The following EMX1 variants were observed in gnomAD, a reference collection of about 807,000 sequenced individuals.
EMX1 encodes the protein empty spiracles homeobox 1, also known as homeobox protein EMX1.
A neutral mutation model predicts 20.1 loss-of-function variants in EMX1; 10 were observed. The ratio of observed to expected loss-of-function variants is 0.50; its 90% CI spans 0.31 to 0.84. EMX1 has a LOEUF of 0.84. Ranked by LOEUF, EMX1 falls within the 40% of genes least tolerant of loss-of-function variation. The probability of loss-of-function intolerance (pLI) is 0.05; values close to 1 mark genes in which losing one functional copy is unlikely to be tolerated. For synonymous variants in EMX1, 250 were observed against 200.4 expected, an observed-to-expected ratio of 1.25 and a Z score of -2.09; for missense variants, 424 against 431.9, an observed-to-expected ratio of 0.98 and a Z score of 0.16.
chr2:72,925,679 C>G, intron 2 of EMX1: 2 of 1,170,694 alleles, frequency 1.7e-6, no homozygotes, highest in Non-Finnish European at 1.1e-6. Context: ...TGGGGGGCAG[C>G]CGGAGCCTCC....
chr2:72,916,547 C>G (rs965759391), upstream of EMX1: 2 of 612,252 alleles, frequency 3.3e-6, no homozygotes, highest in Non-Finnish European at 5.9e-6. Flanking sequence ...AGAACTGCCC[C>G]CGGGGAATTC....
intron 2 of EMX1, chr2:72,933,531 C>G (rs1003970301): frequency 2.0e-6 from 1 of 512,022 alleles, no homozygotes; most frequent in African/African-American, 1.9e-5. Context: ...AGCTCTGTGA[C>G]CCTTTGTTTG....
intron 1 of EMX1, among the ~76,000 whole-genome samples, chr2:72,922,209 TCA>T (rs916510135): frequency 1.3e-5 from 2 of 152,238 alleles, no homozygotes; most frequent in African/African-American, 2.4e-5. Context: ...TGTTGGGACT[TCA>T]CCCAGGTTCA....
intron 1 of EMX1, among the ~76,000 whole-genome samples, chr2:72,920,414 G>T (rs1671080634): frequency 6.6e-6 from 1 of 152,194 alleles, no homozygotes; most frequent in Non-Finnish European, 1.5e-5. Context: ...AATCCGTTGG[G>T]CACTGAAGGA....
chr2:72,924,633 G>C (rs1213162568), intron 2 of EMX1, 140 bp downstream of exon 2: 2 of 1,066,524 alleles, frequency 1.9e-6, no homozygotes, highest in African/African-American at 3.2e-5. Context: ...GCGGCGCTGC[G>C]GTCAAGCCCG....
intron 1 of EMX1, among the ~76,000 whole-genome samples, chr2:72,918,872 G>A (rs1190077277): frequency 6.6e-6 from 1 of 152,236 alleles, no homozygotes; most frequent in Non-Finnish European, 1.5e-5. Flanking sequence ...AGCAGGGAGG[G>A]CGAATCGGAG....
chr2:72,920,430 C>A (rs1375899610), intron 1 of EMX1, among the ~76,000 whole-genome samples: 2 of 152,212 alleles, frequency 1.3e-5, no homozygotes, highest in African/African-American at 2.4e-5. Context: ...AAGGACTTTT[C>A]GAACCCTGTA....
At chr2:72,926,195 T>C (rs1671197684) in intron 2 of EMX1, 1 of 985,280 alleles carries the variant, frequency 1.0e-6, no homozygotes, top group Non-Finnish European at 1.2e-6. Context: ...GTTTTTAAAC[T>C]TTCAATTTTT....
chr2:72,918,914 C>T (rs989040), intron 1 of EMX1, among the ~76,000 whole-genome samples: 2 of 152,208 alleles, frequency 1.3e-5, no homozygotes, highest in East Asian at 1.9e-4. Flanking sequence ...GCCTGGCTGT[C>T]TTGGGATGTT....
At chr2:72,918,524 G>T in intron 1 of EMX1, 152 bp downstream of exon 1, 2 of 1,157,868 alleles carry the variant, frequency 1.7e-6, no homozygotes, top group Non-Finnish European at 2.2e-6. Context: ...GGGAAGAGCT[G>T]TGCGGCATCC....
In EMX1 at chr2:72,918,116, C is replaced by T. The variant is rs760838891; in HGVS notation, c.264C>T (p.Pro88=). 3.4e-6 allele frequency: 5 copies of T among 1,479,006 alleles called. No individual in the cohort carries two copies. The highest frequency in any genetic ancestry group is 2.9e-5 in the African/African-American group (2 of 67,958). The allele number at this position is 1,479,006 out of a possible 1,614,324, so 91.6% of individuals were successfully genotyped here. A position where few individuals can be genotyped will look rare whatever the true frequency, so the allele number is the denominator to read the frequency against. The change falls in exon 1 of 3, where the codon CCC becomes CCT. Residue 88 remains proline (P), a synonymous_variant. Transcript: ENST00000258106. ...CCACGGCGCTCAACTACCCTCACCC[C>T]AGCGCGGCCGAGGCGGCCTTCGTGA... ...LRPTALNYPH[P]SAAEAAFVSG... is the part of the protein sequence containing the mutation.
Position 72,934,001 on chromosome 2 carries a change from G to A in EMX1, c.*47G>A. ...GAGGGCAGAGTGCTGCTTGCTGCTG[G>A]CCAGGCCCCTGCGTGGGCCCAAGCT... On this transcript the variant is annotated 3_prime_UTR_variant, in exon 3 of 3. Coordinates refer to ENST00000258106, the MANE Select transcript of EMX1 (RefSeq NM_004097.3). The A allele has an allele frequency of 6.2e-7, 1 of 1,609,460 alleles. No individual in the cohort carries two copies. Among genetic ancestry groups the A allele is most frequent in the Non-Finnish European group, 8.5e-7 (1 of 1,177,376 alleles).
upstream of EMX1, chr2:72,916,448 C>A (rs995008566): frequency 2.3e-5 from 13 of 564,338 alleles, no homozygotes; most frequent in Non-Finnish European, 3.8e-5. Context: ...GCCGCCCGCG[C>A]CCTCCTAGGC....
intron 2 of EMX1, among the ~76,000 whole-genome samples, chr2:72,928,496 G>A (rs551492549): frequency 1.1e-4 from 17 of 151,734 alleles, no homozygotes; most frequent in South Asian, 1.0e-3. Flanking sequence ...GTGTGTGTTC[G>A]TGTGTGTGTC....
In EMX1 at chr2:72,917,821, GC is replaced by G; in HGVS notation, c.-31del. The stretch of plus-strand genomic sequence containing the variant: ...GCGGGGGCCGAGCGCGAGCGGGCGG[GC>G]GGGGGAGGTGAGGGGTGCGGGCGGG... On this transcript the variant is annotated 5_prime_UTR_variant, in exon 1 of 3. Coordinates refer to ENST00000258106, the MANE Select transcript of EMX1 (RefSeq NM_004097.3). 6.2e-6 allele frequency: 8 copies of G among 1,295,774 alleles called. No individual in the cohort carries two copies. The highest frequency in any genetic ancestry group is 7.8e-6 in the Non-Finnish European group (8 of 1,026,154). The allele number at this position is 1,295,774 out of a possible 1,614,324, so 80.3% of individuals were successfully genotyped here.
chr2:72,919,417 A>G (rs929595666), intron 1 of EMX1, among the ~76,000 whole-genome samples: 4 of 152,016 alleles, frequency 2.6e-5, no homozygotes, highest in African/African-American at 9.7e-5. Flanking sequence ...CAGCCTTGTG[A>G]GAAGGGTCTA....
chr2:72,925,858 G>A (rs1671192475), intron 2 of EMX1: 2 of 985,284 alleles, frequency 2.0e-6, no homozygotes, highest in South Asian at 4.7e-5. Flanking sequence ...CTCACGGGTC[G>A]GAGGCAGGAC....
At chr2:72,931,398 G>A (rs1458851422) in intron 2 of EMX1, among the ~76,000 whole-genome samples, 1 of 152,178 alleles carries the variant, frequency 6.6e-6, no homozygotes, top group Non-Finnish European at 1.5e-5. Context: ...GGTACTGCCC[G>A]CATCACCTGA....
At chr2:72,923,788 G>C (rs958273055) in intron 1 of EMX1, 11 of 204,330 alleles carry the variant, frequency 5.4e-5, no homozygotes, top group Non-Finnish European at 1.1e-4. Context: ...GGTGTGCCTA[G>C]CACCCCGCTG....
Sources: allele counts gnomAD v4.1 joint callset (sites outside exome capture counted in the v4.1 genomes callset), GRCh38; gene constraint gnomAD v4.1.1; transcripts MANE v1.5; gene names NCBI Gene and HGNC (gene_info 2026-07-23, HGNC 2026-07-21).